Variants in RTKN2 observed in about 807,000 individuals in gnomAD.
RTKN2 encodes the protein rhotekin-2.
In RTKN2, 69 loss-of-function variants were observed where a neutral mutation model predicts 71.5. The observed-to-expected ratio is 0.96, with a 90% CI of 0.79 to 1.18. RTKN2 has a LOEUF of 1.18. Ranked by LOEUF, RTKN2 falls within the 50% of genes most tolerant of loss-of-function variation. The pLI is 0.00. For synonymous variants in RTKN2, 236 were observed against 236.5 expected, an observed-to-expected ratio of 1.00 and a Z score of 0.02; for missense variants, 724 against 719.7, an observed-to-expected ratio of 1.01 and a Z score of -0.07.
At chr10:62,234,098 T>A (rs984395183) in intron 6 of RTKN2, among the ~76,000 whole-genome samples, 3 of 152,166 alleles carry the variant, frequency 2.0e-5, no homozygotes, top group African/African-American at 7.2e-5. Flanking sequence ...CATCTTACTG[T>A]GTCAGAAAGC....
Position 62,218,176 on chromosome 10 carries a change from A to C in RTKN2, c.888+19T>G. On this transcript the variant is annotated intron_variant, in intron 8 of 11. Coordinates refer to ENST00000373789, the MANE Select transcript of RTKN2 (RefSeq NM_145307.4). The stretch of plus-strand genomic sequence containing the variant: ...AAAGTAGAGCTACAATTGTTGTAGG[A>C]TATTTAAAGTCCTCTAACCTGCTGA... 1 of 1,475,720 alleles carries C rather than the reference A, an allele frequency of 6.8e-7. No homozygotes were observed. 91.4% of individuals were successfully genotyped at this position (1,475,720 alleles called of 1,614,324 possible).
intron 2 of RTKN2, among the ~76,000 whole-genome samples, chr10:62,250,235 A>G (rs1842554167): frequency 6.6e-6 from 1 of 152,254 alleles, no homozygotes; most frequent in Non-Finnish European, 1.5e-5. Context: ...CACTGGTTCC[A>G]GGAGAGGTAA....
chr10:62,236,163 G>A lies in RTKN2; in HGVS notation c.589C>T (p.Leu197Phe), dbSNP rs2132977386. ...GTAGCTTTACTTATAGATGTCTTGA[G>A]TTTCTTAGCTAGCTTTTTTGGTGTG... ...TNTPKKLAKK[L>F]KTSISKATGK... The change falls in exon 6 of 12, where the codon CTC (leucine) becomes TTC (phenylalanine). Residue 197 changes from leucine to phenylalanine, a missense_variant. Leu to Phe is a conservative substitution (Grantham distance 22). Transcript: ENST00000373789. 6.2e-7 allele frequency: 1 copy of A among 1,611,604 alleles called. No individual in the cohort carries two copies. Among genetic ancestry groups the A allele is most frequent in the Non-Finnish European group, 8.5e-7 (1 of 1,178,170 alleles).
intron 6 of RTKN2, among the ~76,000 whole-genome samples, chr10:62,227,233 A>T (rs1470993627): frequency 1.3e-5 from 2 of 152,082 alleles, no homozygotes; most frequent in African/African-American, 4.8e-5. Context: ...AGGAAGAAAA[A>T]TAGATAGAAA....
rs1369203728 is a variant in RTKN2 at position 62,195,609 on chromosome 10, A to AT, written c.*2298_*2299insA. 1.7e-3 allele frequency: 26 copies of AT among 15,486 alleles called. No homozygotes were observed. The highest frequency in any genetic ancestry group is 8.7e-3 in the African/African-American group (21 of 2,408). The allele number at this position is 15,486 out of a possible 1,614,324, so 1.0% of individuals were successfully genotyped here. ...AAGGAGAGACGGACAGAGGGAATGA[A>AT]GGAAGGAAGGAAGGAAGGAAGGAAG... is the stretch of plus-strand genomic sequence containing the variant. On this transcript the variant is annotated 3_prime_UTR_variant, in exon 12 of 12. Coordinates refer to ENST00000373789, the MANE Select transcript of RTKN2 (RefSeq NM_145307.4).
chr10:62,225,071 C>T (rs1378736940), intron 6 of RTKN2, among the ~76,000 whole-genome samples: 3 of 152,190 alleles, frequency 2.0e-5, no homozygotes, highest in Non-Finnish European at 4.4e-5. Flanking sequence ...GTCCTTTACT[C>T]AACTAGGCCT....
At chr10:62,255,486 A>G (rs933678876) in intron 2 of RTKN2, among the ~76,000 whole-genome samples, 10 of 152,222 alleles carry the variant, frequency 6.6e-5, no homozygotes, top group African/African-American at 1.4e-4. Context: ...TTGAATAAAA[A>G]TCCAGGAATG....
At chr10:62,222,348 G>A (rs1264242160) in intron 7 of RTKN2, among the ~76,000 whole-genome samples, 1 of 152,020 alleles carries the variant, frequency 6.6e-6, no homozygotes, top group Non-Finnish European at 1.5e-5. Flanking sequence ...CTGGGCTCAT[G>A]TGATCCTCCC....
In RTKN2 at chr10:62,195,942, A is replaced by T. The variant is rs74872812; in HGVS notation, c.*1966T>A. On this transcript the variant is annotated 3_prime_UTR_variant, in exon 12 of 12. Coordinates refer to ENST00000373789, the MANE Select transcript of RTKN2 (RefSeq NM_145307.4). ...TCTGTATGAATACTTTCTTTTTCTT[A>T]TACACCTTAAGTCCTTCCTGCTGTT... The T allele has an allele frequency of 3.5e-3, 3,453 of 985,146 alleles. 83 individuals are homozygous for T. The African/African-American group carries it at 0.056, about 16-fold the overall frequency. 61.0% of individuals were successfully genotyped at this position (985,146 alleles called of 1,614,324 possible).
chr10:62,262,789 TTCTAAG>T lies in RTKN2; in HGVS notation c.87_92del (p.Asp29_Leu30del), dbSNP rs1396987337. ...TCCATATTCCTTCTCGCATTCGAATTTCTAAGTCTATTTTTTCTTGAATGTTGCAGT... is the reference window on the plus strand; with the variant it reads ...TCCATATTCCTTCTCGCATTCGAATTTCTATTTTTTCTTGAATGTTGCAGT... On this transcript the variant is annotated inframe_deletion, in exon 2 of 12. Coordinates refer to ENST00000373789, the MANE Select transcript of RTKN2 (RefSeq NM_145307.4). 5.6e-6 allele frequency: 9 copies of T among 1,609,624 alleles called. No homozygotes were observed. Among genetic ancestry groups the T allele is most frequent in the Admixed American group, 5.1e-5 (3 of 59,126 alleles).
At chr10:62,253,011 A>T (rs1164766041) in intron 2 of RTKN2, among the ~76,000 whole-genome samples, 1 of 152,102 alleles carries the variant, frequency 6.6e-6, no homozygotes, top group East Asian at 1.9e-4. Flanking sequence ...AACCAGATAT[A>T]TCAGTTATAT....
At chr10:62,256,940 G>C (rs1340229951) in intron 2 of RTKN2, among the ~76,000 whole-genome samples, 1 of 151,114 alleles carries the variant, frequency 6.6e-6, no homozygotes, top group Non-Finnish European at 1.5e-5. Flanking sequence ...AAGAACCTAA[G>C]AACATAAAAG....
chr10:62,213,347 C>T (rs952749607), intron 9 of RTKN2, among the ~76,000 whole-genome samples: 18 of 152,110 alleles, frequency 1.2e-4, no homozygotes, highest in African/African-American at 3.6e-4. Context: ...AGCCTCCTAA[C>T]GGGAGGCTCT....
At chr10:62,233,466 T>C (rs774774915) in intron 6 of RTKN2, among the ~76,000 whole-genome samples, 23 of 152,240 alleles carry the variant, frequency 1.5e-4, no homozygotes, top group Non-Finnish European at 2.9e-4. Flanking sequence ...CTTGCCTCCT[T>C]TTAAATGACA....
At chr10:62,235,316 A>G (rs1286599803) in intron 6 of RTKN2, among the ~76,000 whole-genome samples, 1 of 152,142 alleles carries the variant, frequency 6.6e-6, no homozygotes, top group Admixed American at 6.5e-5. Flanking sequence ...TGATAATGAT[A>G]ATGTGGTTTT....
rs201736930 is a variant in RTKN2, at chr10:62,199,928, AATAG to A, written c.1187-71_1187-68del. 2.2e-3 allele frequency: 2,132 copies of A among 955,208 alleles called. 20 individuals are homozygous for A. In the African/African-American group the frequency reaches 0.024, roughly 11 times the overall value. 59.2% of individuals were successfully genotyped at this position (955,208 alleles called of 1,614,324 possible). ...ATGTGAAGATATATATTTCATTTTT[AATAG>A]ATAGCAATACATTTTTGCTTTGAAT... On this transcript the variant is annotated intron_variant, in intron 10 of 11. Coordinates refer to ENST00000373789, the MANE Select transcript of RTKN2 (RefSeq NM_145307.4).
intron 2 of RTKN2, among the ~76,000 whole-genome samples, chr10:62,250,982 C>T (rs1288076865): frequency 6.6e-6 from 1 of 152,144 alleles, no homozygotes; most frequent in Non-Finnish European, 1.5e-5. Context: ...TGTAATGAAA[C>T]CTCACACTGC....
chr10:62,200,362 C>CAAAAAAAAAAAAAAAAAA (rs67854159), intron 10 of RTKN2, among the ~76,000 whole-genome samples: 1 of 79,502 alleles, frequency 1.3e-5, no homozygotes, highest in Non-Finnish European at 2.3e-5. Context: ...GACTCCGTCT[C>CAAAAAAAAAAAAAAAAAA]AAAAAAAAAA....
rs1194893092 is a variant in RTKN2 at position 62,196,817 on chromosome 10, A to AT, written c.*1090dup. 11 of 976,590 alleles carry AT rather than the reference A, an allele frequency of 1.1e-5. No homozygotes were observed. The highest frequency in any genetic ancestry group is 1.1e-4 in the East Asian group (1 of 8,772). 60.5% of individuals were successfully genotyped at this position (976,590 alleles called of 1,614,324 possible). A position where few individuals can be genotyped will look rare whatever the true frequency, so the allele number is the denominator to read the frequency against. ...CAAAAAGCATTATTATAAAAAATGGATTTTTTGTTCCTTTAAGGTATTTTT... is the reference window on the plus strand; with the variant it reads ...CAAAAAGCATTATTATAAAAAATGGATTTTTTTGTTCCTTTAAGGTATTTTT... On this transcript the variant is annotated 3_prime_UTR_variant, in exon 12 of 12. Transcript: ENST00000373789.
Sources: allele counts gnomAD v4.1 joint callset (sites outside exome capture counted in the v4.1 genomes callset), GRCh38; gene constraint gnomAD v4.1.1; transcripts MANE v1.5; gene names NCBI Gene and HGNC (gene_info 2026-07-23, HGNC 2026-07-21).